The following SMARCAL1 variants were observed in gnomAD, a reference collection of about 807,000 sequenced individuals.
The protein encoded by SMARCAL1 is ATP-driven annealing helicase.
SMARCAL1 carries 58 observed loss-of-function variants against 94.5 expected under a neutral mutation model. The ratio of observed to expected loss-of-function variants is 0.61; its 90% CI spans 0.50 to 0.76. SMARCAL1 has a LOEUF of 0.76. SMARCAL1 is among the 30% of genes least tolerant of loss of function. SMARCAL1 has a pLI of 0.00. For synonymous variants in SMARCAL1, 422 were observed against 455.1 expected, an observed-to-expected ratio of 0.93 and a Z score of 0.93; for missense variants, 1,051 against 1,177.9, an observed-to-expected ratio of 0.89 and a Z score of 1.58.
chr2:216,440,863 C>A (rs543119554), intron 10 of SMARCAL1, among the ~76,000 whole-genome samples: 10 of 152,186 alleles, frequency 6.6e-5, no homozygotes, highest in African/African-American at 2.4e-4. Context: ...GCAGTTCCTC[C>A]CCAGTCATGA....
chr2:216,455,286 C>T (rs1433320788), intron 12 of SMARCAL1, among the ~76,000 whole-genome samples: 1 of 152,224 alleles, frequency 6.6e-6, no homozygotes, highest in Non-Finnish European at 1.5e-5. Flanking sequence ...AGGGCATAGC[C>T]AAACAAAAGG....
chr2:216,443,585 A>G (rs1694245911), intron 10 of SMARCAL1, among the ~76,000 whole-genome samples: 1 of 152,204 alleles, frequency 6.6e-6, no homozygotes, highest in East Asian at 1.9e-4. Flanking sequence ...TGAAGGCATT[A>G]TGGTTATCAT....
chr2:216,419,093 G>C (rs549380299), intron 4 of SMARCAL1, among the ~76,000 whole-genome samples: 1 of 152,266 alleles, frequency 6.6e-6, no homozygotes, highest in African/African-American at 2.4e-5. Flanking sequence ...CTAAGTTTTT[G>C]TCTGTATTTT....
In SMARCAL1 at chr2:216,450,941, C is replaced by T. The variant is rs2066526; in HGVS notation, c.1947C>T (p.Asp649=). 0.021 allele frequency: 33,468 copies of T among 1,614,180 alleles called. 470 individuals carry two copies. The highest frequency in any genetic ancestry group is 0.044 in the Middle Eastern group (264 of 6,062). ...TCATGCTGCGGCGCCTCAAGTCCGA[C>T]GTCCTTTCCCAGCTGCCTGCCAAGC... ...EAVMLRRLKS[D]VLSQLPAKQR... is the part of the protein sequence containing the mutation. Residue 649 remains aspartate, a synonymous_variant, in exon 12 of 18, where the codon GAC becomes GAT. Transcript: ENST00000357276.
intron 12 of SMARCAL1, among the ~76,000 whole-genome samples, chr2:216,455,409 G>C (rs572384383): frequency 1.4e-4 from 21 of 152,338 alleles, no homozygotes; most frequent in Non-Finnish European, 2.4e-4. Context: ...CTCCTCAAGT[G>C]GGTCCCTGAC....
intron 11 of SMARCAL1, among the ~76,000 whole-genome samples, chr2:216,448,402 G>A (rs1471128213): frequency 1.3e-5 from 2 of 152,186 alleles, no homozygotes; most frequent in Non-Finnish European, 2.9e-5. Context: ...AGCTAGTGAT[G>A]AAAGGGGCTA....
At chr2:216,474,449 T>C (rs1695029066) in intron 14 of SMARCAL1, among the ~76,000 whole-genome samples, 1 of 128,650 alleles carries the variant, frequency 7.8e-6, no homozygotes, top group African/African-American at 2.6e-5. Context: ...CTATAGTGCA[T>C]TCTTGAAAAA....
At chr2:216,459,399 A>G (rs60863952) in intron 12 of SMARCAL1, among the ~76,000 whole-genome samples, 12,935 of 152,184 alleles carry the variant, frequency 0.085, 1,388 homozygotes, top group African/African-American at 0.25. Context: ...CCAAAAGAAC[A>G]AAGCTGGAGT....
chr2:216,415,379 G>T lies in SMARCAL1; in HGVS notation c.675G>T (p.Lys225Asn), dbSNP rs751534116. The T allele has an allele frequency of 6.2e-7, 1 of 1,614,218 alleles. No homozygotes were observed. The highest frequency in any genetic ancestry group is 1.7e-5 in the Admixed American group (1 of 60,034). Residue 225 changes from lysine (K) to asparagine (N), a missense_variant, in exon 3 of 18, where the codon AAG becomes AAT. Physicochemically the swap from Lys to Asn is moderately conservative, Grantham distance 94. Coordinates refer to ENST00000357276, the MANE Select transcript of SMARCAL1 (RefSeq NM_014140.4). The part of the protein sequence containing the change: ...TPRTEGRLQQ[K>N]SGSSVQKGVN... ...GGACAGAAGGAAGACTCCAGCAGAAGTCAGGGTCCTCAGTCCAAAAAGGAG... is the reference window on the plus strand; with the variant it reads ...GGACAGAAGGAAGACTCCAGCAGAATTCAGGGTCCTCAGTCCAAAAAGGAG...
At chr2:216,421,882 T>C (rs1693728991) in intron 5 of SMARCAL1, among the ~76,000 whole-genome samples, 1 of 152,026 alleles carries the variant, frequency 6.6e-6, no homozygotes, top group Non-Finnish European at 1.5e-5. Flanking sequence ...TTCATCAGGG[T>C]TTGGGTTCCG....
chr2:216,476,290 A>G (rs1234123575), intron 15 of SMARCAL1, among the ~76,000 whole-genome samples: 1 of 151,436 alleles, frequency 6.6e-6, no homozygotes, highest in South Asian at 2.1e-4. Flanking sequence ...TTATACAAGA[A>G]ATAATGCTCA....
chr2:216,439,976 A>T (rs560199440), intron 10 of SMARCAL1, among the ~76,000 whole-genome samples: 2 of 151,862 alleles, frequency 1.3e-5, no homozygotes, highest in East Asian at 3.9e-4. Context: ...TGGGAGGCAG[A>T]GATTGCAGTG....
intron 10 of SMARCAL1, among the ~76,000 whole-genome samples, chr2:216,441,664 C>G (rs1270274243): frequency 6.6e-6 from 1 of 152,112 alleles, no homozygotes; most frequent in Non-Finnish European, 1.5e-5. Context: ...CATATTTATC[C>G]TATTAGGACA....
Position 216,414,715 on chromosome 2 carries a change from C to A in SMARCAL1, c.11C>A (p.Pro4His). 6.2e-7 allele frequency: 1 copy of A among 1,614,062 alleles called. No homozygotes were observed. Among genetic ancestry groups the A allele is most frequent in the South Asian group, 1.1e-5 (1 of 91,076 alleles). The change falls in exon 3 of 18, where the codon CCT becomes CAT. Residue 4 changes from proline to histidine, a missense_variant. Pro to His is a moderately conservative substitution (Grantham distance 77). This residue lies in a region of SMARCAL1 where 398 missense variants were observed against 395.2 expected (regional missense o/e 1.01). Transcript: ENST00000357276. MSLPLTEEQRKKIE... is the reference protein window; with the variant it reads MSLHLTEEQRKKIE... ...CATTTCTCTGTGAAAATGTCCTTGC[C>A]TCTTACAGAGGAGCAGAGGAAAAAG...
intron 10 of SMARCAL1, among the ~76,000 whole-genome samples, chr2:216,438,972 C>G (rs998761656): frequency 2.0e-5 from 3 of 152,166 alleles, no homozygotes; most frequent in African/African-American, 7.2e-5. Context: ...CAACCTAATA[C>G]AAACAGAACT....
chr2:216,470,701 C>G (rs1402840782), intron 14 of SMARCAL1, among the ~76,000 whole-genome samples: 1 of 151,932 alleles, frequency 6.6e-6, no homozygotes, highest in Non-Finnish European at 1.5e-5. Flanking sequence ...GTTGCCCAGG[C>G]TTGTCTAGAA....
chr2:216,442,860 A>G (rs574332449), intron 10 of SMARCAL1, among the ~76,000 whole-genome samples: 10 of 152,330 alleles, frequency 6.6e-5, no homozygotes. Context: ...TAGAAAATGC[A>G]ATCCCTGTGT....
At chr2:216,465,653 G>A (rs1034790032) in intron 13 of SMARCAL1, among the ~76,000 whole-genome samples, 5 of 151,794 alleles carry the variant, frequency 3.3e-5, no homozygotes, top group Non-Finnish European at 7.4e-5. Flanking sequence ...CACTGGGGTA[G>A]AAACCTGGCA....
chr2:216,443,933 T>C (rs1403547181), intron 10 of SMARCAL1, among the ~76,000 whole-genome samples: 1 of 152,256 alleles, frequency 6.6e-6, no homozygotes, highest in Non-Finnish European at 1.5e-5. Flanking sequence ...CAAGCTTTTC[T>C]TTTTGCCCTT....
Sources: allele counts gnomAD v4.1 joint callset (sites outside exome capture counted in the v4.1 genomes callset), GRCh38; gene constraint gnomAD v4.1.1; regional missense constraint gnomAD v4.1.1; transcripts MANE v1.5; gene names NCBI Gene and HGNC (gene_info 2026-07-23, HGNC 2026-07-21).